GNAS-AS1: variants seen among roughly 807,000 people sequenced by gnomAD.
GNAS-AS1 encodes GNAS antisense RNA 1 (non-protein coding).
chr20:58,839,164 T>C, intron 4 of GNAS-AS1: 1 of 398,492 alleles, frequency 2.5e-6, no homozygotes, highest in Non-Finnish European at 4.4e-6. Context: ...ACCTCAACCG[T>C]GGGGGCCCTT....
Position 58,840,902 on chromosome 20 carries a change from C to G in GNAS-AS1, n.819+1035G>C. 6.2e-7 allele frequency: 1 copy of G among 1,611,960 alleles called. No individual in the cohort carries two copies. The highest frequency in any genetic ancestry group is 2.2e-5 in the East Asian group (1 of 44,860). On this transcript the variant is annotated intron_variant and non_coding_transcript_variant, in intron 4 of 4. Transcript: ENST00000424094. The surrounding 1 kb of genome is among the most constrained non-coding windows in gnomAD (Gnocchi z 6.0). ...ATGGATTCAGGTTAGTTGCCCACCG[C>G]TAAACTGGGGAGCCTGAGGGCGGTG...
intron 4 of GNAS-AS1, among the ~76,000 whole-genome samples, chr20:58,822,957 G>A (rs950881362): frequency 3.9e-5 from 6 of 152,040 alleles, no homozygotes; most frequent in South Asian, 2.1e-4. Context: ...AGTTCTGTCC[G>A]CCCCTGGCCC....
intron 4 of GNAS-AS1, among the ~76,000 whole-genome samples, chr20:58,828,236 CA>C (rs2085533278): frequency 6.6e-6 from 1 of 152,222 alleles, no homozygotes; most frequent in Admixed American, 6.5e-5. Context: ...TTCTACCTTC[CA>C]AACCACTTCT....
intron 4 of GNAS-AS1, among the ~76,000 whole-genome samples, chr20:58,825,373 C>G (rs1289362297): frequency 6.6e-6 from 1 of 152,174 alleles, no homozygotes; most frequent in Non-Finnish European, 1.5e-5. Flanking sequence ...AATGAAGAGA[C>G]TGGGTGGATG....
chr20:58,840,957 GAAGGA>G lies in GNAS-AS1; in HGVS notation n.819+975_819+979del. 1.3e-6 allele frequency: 2 copies of G among 1,524,730 alleles called. No homozygotes were observed. The highest frequency in any genetic ancestry group is 1.8e-6 in the Non-Finnish European group (2 of 1,112,810). The allele number at this position is 1,524,730 out of a possible 1,614,324, so 94.5% of individuals were successfully genotyped here. A position where few individuals can be genotyped will look rare whatever the true frequency, so the allele number is the denominator to read the frequency against. On this transcript the variant is annotated intron_variant and non_coding_transcript_variant, in intron 4 of 4. Transcript: ENST00000424094. The surrounding 1 kb of genome is among the most constrained non-coding windows in gnomAD (Gnocchi z 6.0). ...AGCAGCGCAGGTGGAAAGGAGGTGA[GAAGGA>G]AAGGCAGGTCAGGGGCGAGTGGGAA... is the stretch of plus-strand genomic sequence containing the variant.
rs1332548279 is a variant in GNAS-AS1 at position 58,840,064 on chromosome 20, A to G, written n.819+1873T>C. 6.2e-7 allele frequency: 1 copy of G among 1,603,314 alleles called. No homozygotes were observed. The highest frequency in any genetic ancestry group is 8.5e-7 in the Non-Finnish European group (1 of 1,177,228). ...AATGTGCTTCGGAGCCACTCTCTGC[A>G]GAGCCAGAGGGCAGGCCGGCTTCTC... is the stretch of plus-strand genomic sequence containing the variant. On this transcript the variant is annotated intron_variant and non_coding_transcript_variant, in intron 4 of 4. Transcript: ENST00000424094. This position sits in a 1 kb window ranked among gnomAD's most constrained non-coding sequence, Gnocchi z 6.0.
At chr20:58,843,803 A>G (rs1434478437) in intron 2 of GNAS-AS1, among the ~76,000 whole-genome samples, 1 of 152,176 alleles carries the variant, frequency 6.6e-6, no homozygotes, top group East Asian at 1.9e-4. Context: ...TTGTAACTGA[A>G]CTTATCTGAG....
chr20:58,825,942 CT>C (rs2085517012), intron 4 of GNAS-AS1: 1 of 396,724 alleles, frequency 2.5e-6, no homozygotes. Context: ...GGCCACAGGC[CT>C]TGTGTCTCTC....
chr20:58,837,322 G>A (rs539320340), intron 4 of GNAS-AS1, among the ~76,000 whole-genome samples: 37 of 152,280 alleles, frequency 2.4e-4, no homozygotes, highest in South Asian at 1.0e-3. Flanking sequence ...ACTCAGAAGC[G>A]GAGATGAGGA....
Position 58,837,860 on chromosome 20 carries a change from G to T in GNAS-AS1, n.819+4077C>A, listed in dbSNP as rs528332886. Among the ~76,000 whole-genome samples the T allele has an allele frequency of 2.6e-3, 391 of 152,314 alleles. 1 individual carries two copies. The highest frequency in any genetic ancestry group is 4.6e-3 in the South Asian group (22 of 4,828). ...AAGCAGTTGCTGGTCTCTCACTGGG[G>T]TATGAACTCTGCACTTAGTGGTTTT... On this transcript the variant is annotated intron_variant and non_coding_transcript_variant, in intron 4 of 4. Coordinates refer to ENST00000424094, the Ensembl canonical transcript of GNAS-AS1.
chr20:58,835,815 G>A (rs1253081310), intron 4 of GNAS-AS1, among the ~76,000 whole-genome samples: 1 of 152,172 alleles, frequency 6.6e-6, no homozygotes, highest in Non-Finnish European at 1.5e-5. Context: ...TGTAATTTCC[G>A]AGACAGCTCC....
chr20:58,840,210 T>C lies in GNAS-AS1; in HGVS notation n.819+1727A>G, dbSNP rs760919160. The C allele has an allele frequency of 6.2e-7, 1 of 1,611,118 alleles. No homozygotes were observed. Among genetic ancestry groups the C allele is most frequent in the South Asian group, 1.1e-5 (1 of 91,054 alleles). On this transcript the variant is annotated intron_variant and non_coding_transcript_variant, in intron 4 of 4. Coordinates refer to ENST00000424094, the Ensembl canonical transcript of GNAS-AS1. This position sits in a 1 kb window ranked among gnomAD's most constrained non-coding sequence, Gnocchi z 6.0. ...CGGGCAGCCACCGCGCTCCTCTGGC[T>C]CTCCTGCTCCATCGCGCTCCTCCGC... is the stretch of plus-strand genomic sequence containing the variant.
At chr20:58,835,272 A>G (rs2085594888) in intron 4 of GNAS-AS1, among the ~76,000 whole-genome samples, 1 of 152,088 alleles carries the variant, frequency 6.6e-6, no homozygotes, top group South Asian at 2.1e-4. Flanking sequence ...TATCTTCAAG[A>G]GTGATTATAC....
chr20:58,841,727 T>C lies in GNAS-AS1; in HGVS notation n.819+210A>G. On this transcript the variant is annotated intron_variant and non_coding_transcript_variant, in intron 4 of 4. Transcript: ENST00000424094. This position sits in a 1 kb window ranked among gnomAD's most constrained non-coding sequence, Gnocchi z 5.0. ...GGGATGCCCCTACGGGCTACCAGGG[T>C]TGAACGCACAGGCATGGTCACGTCG... 2 of 1,223,006 alleles carry C rather than the reference T, an allele frequency of 1.6e-6. No homozygotes were observed. Among genetic ancestry groups the C allele is most frequent in the Non-Finnish European group, 2.0e-6 (2 of 982,768 alleles). The allele number at this position is 1,223,006 out of a possible 1,614,324, so 75.8% of individuals were successfully genotyped here.
At position 58,840,257 on chromosome 20, in the gene GNAS-AS1, C is replaced by T. The variant is rs775901436; in HGVS notation, n.819+1680G>A. On this transcript the variant is annotated intron_variant and non_coding_transcript_variant, in intron 4 of 4. Transcript: ENST00000424094. This position sits in a 1 kb window ranked among gnomAD's most constrained non-coding sequence, Gnocchi z 6.0. The stretch of plus-strand genomic sequence containing the variant: ...CCGCGCCCTTGCCACCTCCAACGCC[C>T]GTGCCCAGCAGCGCGCGGCTGCCCA... 9.3e-6 allele frequency: 15 copies of T among 1,611,628 alleles called. No individual in the cohort carries two copies. The highest frequency in any genetic ancestry group is 1.2e-5 in the Non-Finnish European group (14 of 1,179,852).
intron 2 of GNAS-AS1, among the ~76,000 whole-genome samples, chr20:58,844,815 AAAC>A (rs543894474): frequency 1.8e-4 from 27 of 152,146 alleles, no homozygotes; most frequent in Admixed American, 3.9e-4. Context: ...AAACAAAACA[AAAC>A]AACAACAACA....
intron 4 of GNAS-AS1, among the ~76,000 whole-genome samples, chr20:58,825,732 G>T (rs564962322): frequency 6.6e-6 from 1 of 152,318 alleles, no homozygotes; most frequent in East Asian, 1.9e-4. Context: ...CGCTTAGATG[G>T]TTTTAACTGT....
chr20:58,819,370 A>C (rs2145447997), intron 4 of GNAS-AS1: 3 of 397,652 alleles, frequency 7.5e-6, no homozygotes, highest in Middle Eastern at 6.3e-4. Flanking sequence ...GCCTGCGGTC[A>C]CACTCCAACT....
Position 58,840,743 on chromosome 20 carries a change from G to A in GNAS-AS1, n.819+1194C>T. ...CGAAGAGTCGAAGGAGCCCAAGGAG[G>A]AGAAGCAGCGGCGTCGCTGCAAGCC... On this transcript the variant is annotated intron_variant and non_coding_transcript_variant, in intron 4 of 4. Coordinates refer to ENST00000424094, the Ensembl canonical transcript of GNAS-AS1. This position sits in a 1 kb window ranked among gnomAD's most constrained non-coding sequence, Gnocchi z 6.0. The A allele has an allele frequency of 6.2e-7, 1 of 1,605,654 alleles. No individual in the cohort carries two copies.
Sources: allele counts gnomAD v4.1 joint callset (sites outside exome capture counted in the v4.1 genomes callset), GRCh38; gene constraint gnomAD v4.1.1; non-coding constraint Gnocchi (gnomAD v3.1); transcripts MANE v1.5; gene names NCBI Gene and HGNC (gene_info 2026-07-23, HGNC 2026-07-21).